The following EDA variants were observed in gnomAD, a reference collection of about 807,000 sequenced individuals.
EDA encodes the protein ectodysplasin A, also known as ectodysplasin-A.
A neutral mutation model predicts 23.6 loss-of-function variants in EDA; 2 were observed. The observed-to-expected ratio is 0.08, with a 90% CI of 0.03 to 0.27. The LOEUF (loss-of-function observed/expected upper bound fraction) is 0.27. Ranked by LOEUF, EDA falls within the 10% of genes least tolerant of loss-of-function variation. EDA has a pLI of 1.00. For missense variants in EDA, 229 were observed against 324.2 expected (o/e 0.71, Z 2.26); for synonymous variants, 131 against 132.0 (o/e 0.99, Z 0.05).
chrX:69,721,671 C>T lies in EDA; in HGVS notation c.396+104967C>T, dbSNP rs2012588408. 3.6e-5 allele frequency among the ~76,000 whole-genome samples: 4 copies of T among 111,102 alleles called. No homozygotes were observed. The South Asian group carries it at 1.6e-3, about 45-fold the overall frequency. On this transcript the variant is annotated intron_variant, in intron 1 of 7. Coordinates refer to ENST00000374552, the MANE Select transcript of EDA (RefSeq NM_001399.5). ...AGCCCACGTGGGCTGATCTCTGTTGCTAAGATAGGGGATTCACAAACACCA... is the reference window on the plus strand; with the variant it reads ...AGCCCACGTGGGCTGATCTCTGTTGTTAAGATAGGGGATTCACAAACACCA...
chrX:69,700,878 G>A lies in EDA; in HGVS notation c.396+84174G>A, dbSNP rs771426806. 1.1e-4 allele frequency among the ~76,000 whole-genome samples: 12 copies of A among 111,000 alleles called. 1 individual carries two copies. The South Asian group carries it at 2.7e-3, about 25-fold the overall frequency. On this transcript the variant is annotated intron_variant, in intron 1 of 7. Transcript: ENST00000374552. ...TGATGCATTGGGTACTATGGGGAACGTGGAAGTGGAGAGTAGTGTGGAGTT... is the reference window on the plus strand; with the variant it reads ...TGATGCATTGGGTACTATGGGGAACATGGAAGTGGAGAGTAGTGTGGAGTT...
intron 1 of EDA, among the ~76,000 whole-genome samples, chrX:69,721,839 A>G (rs1203576677): frequency 9.0e-6 from 1 of 111,488 alleles, no homozygotes; most frequent in African/African-American, 3.3e-5. Context: ...TCCAGGTTTT[A>G]TAGTTGTGTT....
At chrX:69,746,784 C>T (rs776293106) in intron 1 of EDA, among the ~76,000 whole-genome samples, 2 of 111,242 alleles carry the variant, frequency 1.8e-5, no homozygotes, top group Non-Finnish European at 3.8e-5. Context: ...ATTCACCATC[C>T]TCCGGATGGT....
chrX:69,827,589 T>A (rs981742520), intron 1 of EDA, among the ~76,000 whole-genome samples: 4 of 111,675 alleles, frequency 3.6e-5, no homozygotes, highest in Non-Finnish European at 7.5e-5. Flanking sequence ...ATTATTCTAG[T>A]TATACATTCT....
chrX:69,843,866 C>CA (rs1436209862), intron 1 of EDA, among the ~76,000 whole-genome samples: 1 of 109,358 alleles, frequency 9.1e-6, no homozygotes, highest in Non-Finnish European at 1.9e-5. Flanking sequence ...ATTAAAAATA[C>CA]AAAAAATTAG....
At chrX:69,716,549 C>T (rs2012345890) in intron 1 of EDA, among the ~76,000 whole-genome samples, 1 of 108,906 alleles carries the variant, frequency 9.2e-6, no homozygotes, top group African/African-American at 3.4e-5. Flanking sequence ...GCCTTGGCTA[C>T]TTGGGCTGTT....
At chrX:69,770,904 AAGTT>A (rs1388784320) in intron 1 of EDA, among the ~76,000 whole-genome samples, 1 of 111,367 alleles carries the variant, frequency 9.0e-6, no homozygotes, top group Non-Finnish European at 1.9e-5. Context: ...GTATGGGTGA[AAGTT>A]AGTTCAACAG....
At chrX:69,887,243 G>A (rs1031511591) in intron 1 of EDA, among the ~76,000 whole-genome samples, 3 of 111,520 alleles carry the variant, frequency 2.7e-5, no homozygotes, top group African/African-American at 9.8e-5. Flanking sequence ...CAGGAGGTAG[G>A]CTGCAGTAAG....
chrX:69,969,747 A>G (rs1253822259), intron 2 of EDA, among the ~76,000 whole-genome samples: 1 of 111,522 alleles, frequency 9.0e-6, no homozygotes, highest in Non-Finnish European at 1.9e-5. Context: ...AGCTATCAGA[A>G]GCAAGGCCCA....
intron 2 of EDA, among the ~76,000 whole-genome samples, chrX:69,998,016 G>C (rs1331990511): frequency 8.9e-6 from 1 of 112,341 alleles, no homozygotes; most frequent in Non-Finnish European, 1.9e-5. Context: ...AGGGAAAAGA[G>C]GGGTCAGAGT....
chrX:69,747,776 C>T (rs1291462909), intron 1 of EDA, among the ~76,000 whole-genome samples: 2 of 111,523 alleles, frequency 1.8e-5, no homozygotes, highest in Non-Finnish European at 3.8e-5. Context: ...AGACTGTTTT[C>T]CTTTCTGGTT....
At chrX:69,789,996 T>C (rs1294481955) in intron 1 of EDA, among the ~76,000 whole-genome samples, 1 of 111,918 alleles carries the variant, frequency 8.9e-6, no homozygotes, top group Non-Finnish European at 1.9e-5. Context: ...TAGAAGATGT[T>C]TTCCCAGGTT....
chrX:69,889,751 A>C (rs2017895182), intron 1 of EDA, among the ~76,000 whole-genome samples: 1 of 111,588 alleles, frequency 9.0e-6, no homozygotes, highest in African/African-American at 3.3e-5. Flanking sequence ...TCACTTTCTT[A>C]TGCTGTTCTT....
At chrX:69,793,542 G>T (rs1301209946) in intron 1 of EDA, among the ~76,000 whole-genome samples, 1 of 101,357 alleles carries the variant, frequency 9.9e-6, no homozygotes, top group East Asian at 3.2e-4. Context: ...ATGGTTGAAT[G>T]GAGCTTTTTG....
At chrX:69,779,040 A>G (rs1476198500) in intron 1 of EDA, among the ~76,000 whole-genome samples, 2 of 111,651 alleles carry the variant, frequency 1.8e-5, no homozygotes, top group Admixed American at 9.5e-5. Context: ...AGTGTTGAGG[A>G]GGATTCAGAG....
At chrX:69,795,471 A>G (rs1466381066) in intron 1 of EDA, among the ~76,000 whole-genome samples, 2 of 113,083 alleles carry the variant, frequency 1.8e-5, no homozygotes, top group South Asian at 3.6e-4. Flanking sequence ...TAGGCCAAAT[A>G]ACATGTCTAT....
chrX:69,648,946 G>A (rs767807230), intron 1 of EDA, among the ~76,000 whole-genome samples: 15 of 111,494 alleles, frequency 1.3e-4, no homozygotes, highest in Non-Finnish European at 2.6e-4. Context: ...GGAGAAACGT[G>A]GTTTCCTGGG....
intron 2 of EDA, among the ~76,000 whole-genome samples, chrX:69,994,730 A>G (rs2019633524): frequency 1.8e-5 from 2 of 111,163 alleles, no homozygotes; most frequent in Non-Finnish European, 3.8e-5. Flanking sequence ...AATGTTCCAA[A>G]CTCCTATTCC....
chrX:69,648,931 C>T (rs1933011409), intron 1 of EDA, among the ~76,000 whole-genome samples: 1 of 111,448 alleles, frequency 9.0e-6, no homozygotes, highest in Admixed American at 9.5e-5. Context: ...TTGCATAGAT[C>T]TGTGGGAGAA....
Sources: allele counts gnomAD v4.1 joint callset (sites outside exome capture counted in the v4.1 genomes callset), GRCh38; gene constraint gnomAD v4.1.1; transcripts MANE v1.5; gene names NCBI Gene and HGNC (gene_info 2026-07-23, HGNC 2026-07-21).